The following ASCC3 variants were observed in gnomAD, a reference collection of about 807,000 sequenced individuals.
ASCC3 encodes ASC-1 complex subunit P200.
Under a neutral mutation model 256.3 loss-of-function variants are expected in ASCC3, and 158 were observed. That is an observed-to-expected ratio of 0.62 (90% CI 0.54 to 0.70). The LOEUF is 0.70. Ranked by LOEUF, ASCC3 falls within the 30% of genes least tolerant of loss-of-function variation. The pLI is 0.00. For missense variants in ASCC3, 2,259 were observed against 2,626.0 expected (o/e 0.86, Z 3.05); for synonymous variants, 948 against 883.4 (o/e 1.07, Z -1.30).
At chr6:100,717,833 A>G (rs747866233) in intron 12 of ASCC3, among the ~76,000 whole-genome samples, 3 of 152,138 alleles carry the variant, frequency 2.0e-5, no homozygotes, top group Non-Finnish European at 2.9e-5. Flanking sequence ...GGAAAACACC[A>G]ATGCAAACTA....
chr6:100,769,221 CA>C lies in ASCC3; in HGVS notation c.1396-1877del, dbSNP rs1436095581. Among the ~76,000 whole-genome samples the C allele has an allele frequency of 9.2e-5, 14 of 151,978 alleles. No individual in the cohort carries two copies. The South Asian group carries it at 1.2e-3, about 14-fold the overall frequency. ...AGTGGTTACCAGAAGCTACAGAGGACAGGGGGAAGAAAAGCATGGGGAAAGG... is the reference window on the plus strand; with the variant it reads ...AGTGGTTACCAGAAGCTACAGAGGACGGGGGAAGAAAAGCATGGGGAAAGG... On this transcript the variant is annotated intron_variant, in intron 8 of 41. Transcript: ENST00000369162.
At position 100,650,849 on chromosome 6, in the gene ASCC3, A is replaced by C. The variant is rs142522816; in HGVS notation, c.3076-135T>G. The C allele has an allele frequency of 4.1e-6, 3 of 729,980 alleles. No individual in the cohort carries two copies. The African/African-American group carries it at 5.3e-5, about 13-fold the overall frequency. 45.2% of individuals were successfully genotyped at this position (729,980 alleles called of 1,614,324 possible). A position where few individuals can be genotyped will look rare whatever the true frequency, so the allele number is the denominator to read the frequency against. ...CAGCATTTTTCTTTCATAGAGTTAA[A>C]TAACAATGATTTTTCCATAGGTAGC... On this transcript the variant is annotated intron_variant, in intron 19 of 41. Coordinates refer to ENST00000369162, the MANE Select transcript of ASCC3 (RefSeq NM_006828.4).
At chr6:100,514,356 A>T (rs1323822314) in intron 39 of ASCC3, among the ~76,000 whole-genome samples, 1 of 152,156 alleles carries the variant, frequency 6.6e-6, no homozygotes, top group African/African-American at 2.4e-5. Context: ...ACTTAAAAAC[A>T]CAATTTCTGT....
rs145640947 is a variant in ASCC3, at chr6:100,705,334, TGATCAG to T, written c.2151+10122_2151+10127del. Among the ~76,000 whole-genome samples, 1,009 of 152,180 alleles carry T rather than the reference TGATCAG, an allele frequency of 6.6e-3. 15 individuals carry two copies. The highest frequency in any genetic ancestry group is 0.023 in the African/African-American group (953 of 41,556). On this transcript the variant is annotated intron_variant, in intron 13 of 41. Transcript: ENST00000369162. Reference sequence around the variant, plus strand: ...GATCACTAAAACCCATGGAATAGTATGATCAGAGAACATCAGCATGGTTTTTGAACA... The same window carrying T: ...GATCACTAAAACCCATGGAATAGTATAGAACATCAGCATGGTTTTTGAACA...
At position 100,540,224 on chromosome 6, in the gene ASCC3, G is replaced by C; in HGVS notation, c.5714C>G (p.Pro1905Arg). ...LQAHLSRAMLPCPDYDTDTKT... is the reference protein window; with the variant it reads ...LQAHLSRAMLRCPDYDTDTKT... ...GGTATCAGTGTCATAATCTGGGCAGGGTAGCATGGCTCGGCTGAGATGTGC... is the reference window on the plus strand; with the variant it reads ...GGTATCAGTGTCATAATCTGGGCAGCGTAGCATGGCTCGGCTGAGATGTGC... Residue 1905 changes from proline (P) to arginine (R), a missense_variant, in exon 37 of 42, where the codon CCC becomes CGC. By Grantham distance (103) the Pro-to-Arg change is moderately radical. Around this residue, in one of 2 missense-constraint regions of ASCC3, gnomAD observed 1,839 missense variants for 2,206.7 expected, o/e 0.83. Coordinates refer to ENST00000369162, the MANE Select transcript of ASCC3 (RefSeq NM_006828.4). 4 of 1,614,086 alleles carry C rather than the reference G, an allele frequency of 2.5e-6. No homozygotes were observed. Among genetic ancestry groups the C allele is most frequent in the Non-Finnish European group, 3.4e-6 (4 of 1,179,998 alleles).
intron 36 of ASCC3, among the ~76,000 whole-genome samples, chr6:100,542,115 A>G (rs1775491513): frequency 6.6e-6 from 1 of 152,236 alleles, no homozygotes; most frequent in Non-Finnish European, 1.5e-5. Context: ...GTTTGAAGAT[A>G]TAGTCACTGG....
intron 37 of ASCC3, among the ~76,000 whole-genome samples, chr6:100,527,313 G>C (rs1042766721): frequency 6.6e-6 from 1 of 152,120 alleles, no homozygotes; most frequent in Non-Finnish European, 1.5e-5. Context: ...TAAAGAGAAC[G>C]TTTTCTTGGT....
chr6:100,574,085 T>A (rs1234024096), intron 36 of ASCC3, among the ~76,000 whole-genome samples: 1 of 152,114 alleles, frequency 6.6e-6, no homozygotes, highest in Non-Finnish European at 1.5e-5. Context: ...AGATACAAGC[T>A]TATCCCTTTG....
At chr6:100,753,583 G>C (rs1286605568) in intron 10 of ASCC3, among the ~76,000 whole-genome samples, 2 of 151,238 alleles carry the variant, frequency 1.3e-5, no homozygotes, top group East Asian at 1.9e-4. Context: ...TACAATTATA[G>C]TGCACTATAG....
intron 37 of ASCC3, among the ~76,000 whole-genome samples, chr6:100,522,513 A>AT (rs1408078619): frequency 6.6e-6 from 1 of 152,016 alleles, no homozygotes; most frequent in East Asian, 1.9e-4. Flanking sequence ...GAGAAAGTGT[A>AT]TGGGCTAGAG....
chr6:100,650,826 G>T, intron 19 of ASCC3, 112 bp from the exon 20 acceptor site: 1 of 865,444 alleles, frequency 1.2e-6, no homozygotes, highest in Non-Finnish European at 1.8e-6. Flanking sequence ...CTATAATGCA[G>T]CATTTTTCTT....
At chr6:100,702,694 G>A (rs1778408483) in intron 13 of ASCC3, among the ~76,000 whole-genome samples, 1 of 152,100 alleles carries the variant, frequency 6.6e-6, no homozygotes, top group Non-Finnish European at 1.5e-5. Flanking sequence ...AGAGTTTTGT[G>A]TCAAAAAGAG....
chr6:100,869,928 A>G (rs566171460), intron 1 of ASCC3, among the ~76,000 whole-genome samples: 1 of 152,302 alleles, frequency 6.6e-6, no homozygotes, highest in African/African-American at 2.4e-5. Flanking sequence ...TCTCTACATA[A>G]TAATATAAGA....
intron 7 of ASCC3, 126 bp from the exon 8 acceptor site, chr6:100,798,964 G>T: frequency 1.1e-6 from 1 of 913,358 alleles, no homozygotes; most frequent in Non-Finnish European, 1.6e-6. Context: ...AATAAACTTA[G>T]CTAATTTAAA....
chr6:100,700,123 G>A (rs1048563741), intron 13 of ASCC3, among the ~76,000 whole-genome samples: 1 of 152,112 alleles, frequency 6.6e-6, no homozygotes, highest in Non-Finnish European at 1.5e-5. Flanking sequence ...GACCTTTGTG[G>A]CAGCCCAACC....
intron 13 of ASCC3, among the ~76,000 whole-genome samples, chr6:100,711,219 C>T (rs1189367311): frequency 1.3e-5 from 2 of 152,112 alleles, no homozygotes; most frequent in African/African-American, 4.8e-5. Flanking sequence ...TTTCTAGGGG[C>T]AACACAATAA....
intron 14 of ASCC3, among the ~76,000 whole-genome samples, chr6:100,667,620 A>G (rs1776547091): frequency 6.6e-6 from 1 of 152,132 alleles, no homozygotes; most frequent in African/African-American, 2.4e-5. Context: ...AGTAACCAAG[A>G]CTGGATGACT....
At chr6:100,555,975 G>A (rs185655947) in intron 36 of ASCC3, among the ~76,000 whole-genome samples, 5 of 152,226 alleles carry the variant, frequency 3.3e-5, no homozygotes, top group African/African-American at 7.2e-5. Context: ...CAGCCTGGGC[G>A]ACAGAGTGAA....
At chr6:100,791,650 G>C (rs1303879018) in intron 8 of ASCC3, among the ~76,000 whole-genome samples, 3 of 151,958 alleles carry the variant, frequency 2.0e-5, no homozygotes, top group African/African-American at 7.2e-5. Flanking sequence ...ACCTTGTTCT[G>C]ACACATCCTA....
Sources: allele counts gnomAD v4.1 joint callset (sites outside exome capture counted in the v4.1 genomes callset), GRCh38; gene constraint gnomAD v4.1.1; regional missense constraint gnomAD v4.1.1; transcripts MANE v1.5; gene names NCBI Gene and HGNC (gene_info 2026-07-23, HGNC 2026-07-21).